The following TPP2 variants were observed in gnomAD, a reference collection of about 807,000 sequenced individuals.
TPP2 encodes tripeptidyl-peptidase 2.
TPP2 carries 34 observed loss-of-function variants against 155.9 expected under a neutral mutation model. The ratio of observed to expected loss-of-function variants is 0.22; its 90% CI spans 0.17 to 0.29. The LOEUF is 0.29. Among genes scored for constraint, TPP2 ranks in the 10% least tolerant of loss-of-function variants. The pLI, the probability that TPP2 is intolerant of heterozygous loss-of-function variation, is 1.00. For missense variants in TPP2, 1,028 were observed against 1,522.3 expected (o/e 0.68, Z 5.40); for synonymous variants, 510 against 529.4 (o/e 0.96, Z 0.50).
intron 21 of TPP2, 71 bp downstream of exon 21, chr13:102,647,415 G>T (rs1206656300): frequency 1.9e-6 from 3 of 1,543,150 alleles, no homozygotes; most frequent in Non-Finnish European, 1.7e-6. Context: ...CTGGTTTCTT[G>T]TTATGGTAAT....
At chr13:102,663,242 G>A (rs1203341103) in intron 25 of TPP2, among the ~76,000 whole-genome samples, 1 of 152,090 alleles carries the variant, frequency 6.6e-6, no homozygotes, top group Non-Finnish European at 1.5e-5. Flanking sequence ...CTGCCTCCCA[G>A]GTTCAAGTGA....
intron 24 of TPP2, among the ~76,000 whole-genome samples, chr13:102,653,917 T>C (rs1883675735): frequency 6.6e-6 from 1 of 152,234 alleles, no homozygotes; most frequent in Non-Finnish European, 1.5e-5. Flanking sequence ...TGAATAACAC[T>C]GTTCAGTTTG....
intron 27 of TPP2, among the ~76,000 whole-genome samples, chr13:102,666,491 C>T (rs541800849): frequency 6.6e-6 from 1 of 152,318 alleles, no homozygotes; most frequent in African/African-American, 2.4e-5. Context: ...CCAGTGATAA[C>T]CAGTTGCTAA....
rs759648931 is a variant in TPP2 at position 102,662,348 on chromosome 13, T to A, written c.3144-1300T>A. Among the ~76,000 whole-genome samples the A allele has an allele frequency of 9.2e-5, 14 of 152,330 alleles. No homozygotes were observed. In the South Asian group the frequency reaches 2.5e-3, roughly 27 times the overall value. ...AGTTGACTGTTGTGATAGTTACATA[T>A]ATCTGTTACTATGCTAGAAAGCATT... On this transcript the variant is annotated intron_variant, in intron 25 of 29. Transcript: ENST00000376052.
At chr13:102,625,837 G>T (rs1033915093) in intron 6 of TPP2, among the ~76,000 whole-genome samples, 7 of 152,138 alleles carry the variant, frequency 4.6e-5, no homozygotes, top group Non-Finnish European at 8.8e-5. Flanking sequence ...AAACATTAAG[G>T]CCCAGTGCCA....
chr13:102,632,247 T>C (rs1882065717), intron 10 of TPP2, among the ~76,000 whole-genome samples: 2 of 151,980 alleles, frequency 1.3e-5, no homozygotes, highest in South Asian at 4.2e-4. Flanking sequence ...ATGAGACTTT[T>C]TTTTTTTTCT....
chr13:102,666,010 C>T (rs1884568255), intron 27 of TPP2, among the ~76,000 whole-genome samples: 1 of 152,168 alleles, frequency 6.6e-6, no homozygotes, highest in South Asian at 2.1e-4. Context: ...AGTCTCAAAA[C>T]ATTGCCATTT....
At chr13:102,668,424 C>T (rs117826933) in intron 27 of TPP2, among the ~76,000 whole-genome samples, 6,136 of 152,210 alleles carry the variant, frequency 0.04, 188 homozygotes, top group Non-Finnish European at 0.058. Context: ...GTTTGTCTGG[C>T]GTAGTGGTTA....
chr13:102,624,334 C>G (rs139197795), intron 6 of TPP2, among the ~76,000 whole-genome samples: 293 of 152,274 alleles, frequency 1.9e-3, no homozygotes, highest in Middle Eastern at 3.4e-3. Context: ...TAACGTCCCC[C>G]TCCTACCTCC....
intron 24 of TPP2, among the ~76,000 whole-genome samples, chr13:102,653,326 A>G (rs192949288): frequency 6.6e-6 from 1 of 152,252 alleles, no homozygotes; most frequent in African/African-American, 2.4e-5. Flanking sequence ...GGTTTCAGTG[A>G]CTTGATTTGA....
chr13:102,657,730 G>A lies in TPP2; in HGVS notation c.3143+523G>A, dbSNP rs889875954. On this transcript the variant is annotated intron_variant, in intron 25 of 29. Coordinates refer to ENST00000376052, the MANE Select transcript of TPP2 (RefSeq NM_001330588.2). ...TTATAGCTTTTCTTCATGATGCTGCGATAAACATTTTTATACATAAAGGTG... is the reference window on the plus strand; with the variant it reads ...TTATAGCTTTTCTTCATGATGCTGCAATAAACATTTTTATACATAAAGGTG... 2.2e-4 allele frequency among the ~76,000 whole-genome samples: 33 copies of A among 152,094 alleles called. No homozygotes were observed. The East Asian group carries it at 3.3e-3, about 15-fold the overall frequency.
At chr13:102,664,713 A>G (rs1303647618) in intron 26 of TPP2, 82 bp from the exon 27 acceptor site, 2 of 1,415,896 alleles carry the variant, frequency 1.4e-6, no homozygotes, top group Admixed American at 2.2e-5. Flanking sequence ...TGTAGGTCTC[A>G]TGGTTGAGAC....
rs535397340 is a variant in TPP2, at chr13:102,669,170, A to G, written c.3371+4245A>G. ...AAATGCTCTTCTATAGCTGATTGAA[A>G]TTTATCGTTTAGATTTTAAAAAGTA... On this transcript the variant is annotated intron_variant, in intron 27 of 29. Coordinates refer to ENST00000376052, the MANE Select transcript of TPP2 (RefSeq NM_001330588.2). Among the ~76,000 whole-genome samples the G allele has an allele frequency of 1.4e-4, 21 of 152,290 alleles. No individual in the cohort carries two copies. The South Asian group carries it at 3.1e-3, about 23-fold the overall frequency.
intron 2 of TPP2, among the ~76,000 whole-genome samples, chr13:102,613,645 T>G (rs1880481781): frequency 6.6e-6 from 1 of 152,242 alleles, no homozygotes. Context: ...TTGGTTTCCA[T>G]GATAGAACTA....
chr13:102,634,148 T>C (rs1882211275), intron 11 of TPP2, 50 bp downstream of exon 11: 2 of 1,605,794 alleles, frequency 1.2e-6, no homozygotes, highest in Non-Finnish European at 1.7e-6. Flanking sequence ...AATATTTTTG[T>C]TTTCTGAAGC....
chr13:102,635,563 C>A, intron 11 of TPP2, 24 bp from the exon 12 acceptor site: 1 of 1,578,188 alleles, frequency 6.3e-7, no homozygotes. Context: ...TGCTACACTA[C>A]TTGTTTTTGT....
intron 14 of TPP2, among the ~76,000 whole-genome samples, chr13:102,637,741 G>GA (rs1882477647): frequency 6.6e-6 from 1 of 152,006 alleles, no homozygotes; most frequent in African/African-American, 2.4e-5. Flanking sequence ...TGTAGAGACA[G>GA]GATCTCTCTA....
intron 6 of TPP2, among the ~76,000 whole-genome samples, chr13:102,625,338 G>T (rs1427653846): frequency 1.3e-5 from 2 of 150,728 alleles, no homozygotes; most frequent in Non-Finnish European, 2.9e-5. Context: ...CTAATTTTTT[G>T]TATTTTTAGT....
intron 28 of TPP2, among the ~76,000 whole-genome samples, chr13:102,675,285 G>C (rs1885219334): frequency 2.0e-5 from 3 of 152,146 alleles, no homozygotes; most frequent in African/African-American, 7.2e-5. Context: ...AAGGTACTCA[G>C]TTACTCAGTT....
Sources: allele counts gnomAD v4.1 joint callset (sites outside exome capture counted in the v4.1 genomes callset), GRCh38; gene constraint gnomAD v4.1.1; transcripts MANE v1.5; gene names NCBI Gene and HGNC (gene_info 2026-07-23, HGNC 2026-07-21).